The following SLIT3 variants were observed in gnomAD, a reference collection of about 807,000 sequenced individuals.
SLIT3 encodes the protein slit homolog 3 protein.
A neutral mutation model predicts 184.0 loss-of-function variants in SLIT3; 68 were observed. The ratio of observed to expected loss-of-function variants is 0.37; its 90% CI spans 0.30 to 0.45. The LOEUF is 0.45. SLIT3 is among the 20% of genes least tolerant of loss of function. The pLI, the probability that SLIT3 is intolerant of heterozygous loss-of-function variation, is 1.00. For missense variants in SLIT3, 1,707 were observed against 2,026.0 expected, an observed-to-expected ratio of 0.84 and a Z score of 3.02; for synonymous variants, 831 against 828.6, an observed-to-expected ratio of 1.00 and a Z score of -0.05.
intron 5 of SLIT3, among the ~76,000 whole-genome samples, chr5:168,881,107 T>A (rs1759933222): frequency 6.6e-6 from 1 of 152,006 alleles, no homozygotes; most frequent in African/African-American, 2.4e-5. Flanking sequence ...CTTTCCTTCT[T>A]CCCCGCAAGC....
At chr5:168,833,085 T>C (rs1757931166) in intron 6 of SLIT3, among the ~76,000 whole-genome samples, 1 of 152,218 alleles carries the variant, frequency 6.6e-6, no homozygotes, top group Admixed American at 6.5e-5. Context: ...ACAACCATCA[T>C]TACTTGGGGA....
intron 4 of SLIT3, among the ~76,000 whole-genome samples, chr5:168,989,936 A>G (rs1331339264): frequency 2.6e-5 from 4 of 152,198 alleles, no homozygotes; most frequent in African/African-American, 9.6e-5. Context: ...TGTAGTTGGC[A>G]CATTATAGTC....
chr5:168,685,926 C>G lies in SLIT3; in HGVS notation c.3316G>C (p.Gly1106Arg). 3 of 1,605,546 alleles carry G rather than the reference C, an allele frequency of 1.9e-6. No individual in the cohort carries two copies. Among genetic ancestry groups the G allele is most frequent in the Non-Finnish European group, 2.6e-6 (3 of 1,175,396 alleles). Residue 1106 changes from glycine (G) to arginine (R), a missense_variant and splice_region_variant, in exon 31 of 36, where the codon GGA becomes CGA. Gly to Arg is a moderately radical substitution (Grantham distance 125). Coordinates refer to ENST00000519560, the MANE Select transcript of SLIT3 (RefSeq NM_003062.4). ...GGTGGGGGGTGTTCACAGAAGGGTC[C>G]ACTGGAAGGCAGGAGAGAATGGGGA... is the stretch of plus-strand genomic sequence containing the variant. ...YTCTCPQGFS[G>R]PFCEHPPPMV...
At chr5:168,848,024 C>G (rs1280244740) in intron 5 of SLIT3, among the ~76,000 whole-genome samples, 1 of 152,194 alleles carries the variant, frequency 6.6e-6, no homozygotes, top group Non-Finnish European at 1.5e-5. Flanking sequence ...TGGAGGATGC[C>G]TGAGAGCTCT....
intron 4 of SLIT3, among the ~76,000 whole-genome samples, chr5:169,021,540 G>A (rs60190433): frequency 0.16 from 24,071 of 151,874 alleles, 2,296 homozygotes; most frequent in East Asian, 0.5. Flanking sequence ...TAGTAGAGAC[G>A]GGGTTTCACC....
chr5:168,749,998 A>G (rs971230480), intron 18 of SLIT3, among the ~76,000 whole-genome samples: 1 of 152,080 alleles, frequency 6.6e-6, no homozygotes, highest in African/African-American at 2.4e-5. Context: ...CTTGGCTTCA[A>G]TGACATTTCA....
intron 23 of SLIT3, among the ~76,000 whole-genome samples, 195 bp downstream of exon 23, chr5:168,722,061 C>T (rs548781817): frequency 1.5e-4 from 23 of 152,108 alleles, no homozygotes; most frequent in Non-Finnish European, 2.2e-4. Context: ...AGTGGTAGTG[C>T]GCTGGACCCT....
At chr5:169,189,612 C>T (rs1763481679) in intron 4 of SLIT3, among the ~76,000 whole-genome samples, 1 of 135,800 alleles carries the variant, frequency 7.4e-6, no homozygotes, top group Non-Finnish European at 1.6e-5. Flanking sequence ...TTAATTTCCT[C>T]CTCTATAAAA....
chr5:168,814,558 T>G (rs1757269944), intron 8 of SLIT3, among the ~76,000 whole-genome samples: 2 of 152,058 alleles, frequency 1.3e-5, no homozygotes, highest in South Asian at 4.1e-4. Flanking sequence ...ATAGCTCTTC[T>G]CCTTAACCTC....
chr5:169,202,943 C>T (rs1329595936), intron 3 of SLIT3, among the ~76,000 whole-genome samples: 4 of 152,200 alleles, frequency 2.6e-5, no homozygotes, highest in Admixed American at 6.5e-5. Context: ...CTGACCCCTG[C>T]CCTGGCTACT....
At chr5:168,952,918 G>A (rs572158630) in intron 4 of SLIT3, among the ~76,000 whole-genome samples, 4 of 152,298 alleles carry the variant, frequency 2.6e-5, no homozygotes, top group East Asian at 1.9e-4. Flanking sequence ...CAGGGAGGGC[G>A]TCAGCAGATG....
chr5:169,289,706 T>G (rs539629206), intron 1 of SLIT3, among the ~76,000 whole-genome samples: 1 of 152,086 alleles, frequency 6.6e-6, no homozygotes, highest in Non-Finnish European at 1.5e-5. Context: ...GGAGAATACA[T>G]AGAGGGCAGT....
intron 16 of SLIT3, among the ~76,000 whole-genome samples, chr5:168,754,306 C>T (rs573236085): frequency 2.0e-5 from 3 of 152,190 alleles, no homozygotes; most frequent in Admixed American, 6.5e-5. Flanking sequence ...ACTATTTGGC[C>T]ATAAAAAGAA....
At chr5:168,882,791 C>T (rs1326661490) in intron 5 of SLIT3, among the ~76,000 whole-genome samples, 3 of 152,156 alleles carry the variant, frequency 2.0e-5, no homozygotes, top group Non-Finnish European at 2.9e-5. Flanking sequence ...CCCATGCTCT[C>T]TCAGGAGCCG....
chr5:168,891,979 T>C (rs1690927912), intron 4 of SLIT3, among the ~76,000 whole-genome samples: 2 of 152,200 alleles, frequency 1.3e-5, no homozygotes, highest in African/African-American at 4.8e-5. Flanking sequence ...AATTGGATGC[T>C]TCACCCTGGG....
At chr5:168,898,467 T>G (rs1483264388) in intron 4 of SLIT3, among the ~76,000 whole-genome samples, 1 of 151,286 alleles carries the variant, frequency 6.6e-6, no homozygotes, top group Non-Finnish European at 1.5e-5. Context: ...AAATGAGATA[T>G]AAAAATGGTC....
At chr5:169,092,767 T>C (rs1006174460) in intron 4 of SLIT3, among the ~76,000 whole-genome samples, 7 of 152,204 alleles carry the variant, frequency 4.6e-5, no homozygotes, top group African/African-American at 1.7e-4. Context: ...TGTCCCTTTG[T>C]GGTCTTGGTG....
intron 3 of SLIT3, among the ~76,000 whole-genome samples, chr5:169,214,087 C>T (rs1423861633): frequency 6.7e-6 from 1 of 149,994 alleles, no homozygotes; most frequent in African/African-American, 2.5e-5. Flanking sequence ...CTCATCAAGT[C>T]TCAGTCTTCT....
chr5:168,914,428 A>G (rs1286542149), intron 4 of SLIT3, among the ~76,000 whole-genome samples: 1 of 152,214 alleles, frequency 6.6e-6, no homozygotes, highest in East Asian at 1.9e-4. Flanking sequence ...TGGCAATAGC[A>G]ATAAGCTTTC....
Sources: allele counts gnomAD v4.1 joint callset (sites outside exome capture counted in the v4.1 genomes callset), GRCh38; gene constraint gnomAD v4.1.1; transcripts MANE v1.5; gene names NCBI Gene and HGNC (gene_info 2026-07-23, HGNC 2026-07-21).